The following MALRD1 variants were observed in gnomAD, a reference collection of about 807,000 sequenced individuals.
MALRD1 encodes MAM and LDL receptor class A domain containing 1, also known as MAM and LDL-receptor class A domain-containing protein 1.
In MALRD1, 247 loss-of-function variants were observed where a neutral mutation model predicts 242.1. The ratio of observed to expected loss-of-function variants is 1.02; its 90% CI spans 0.92 to 1.13. The LOEUF (loss-of-function observed/expected upper bound fraction) is 1.13. Among genes scored for constraint, MALRD1 ranks in the 50% most tolerant of loss-of-function variants. The pLI is 0.00. For missense variants in MALRD1, 2,989 were observed against 2,533.1 expected, an observed-to-expected ratio of 1.18 and a Z score of -3.86; for synonymous variants, 995 against 866.6, an observed-to-expected ratio of 1.15 and a Z score of -2.60.
intron 21 of MALRD1, among the ~76,000 whole-genome samples, chr10:19,293,186 A>G (rs1431206165): frequency 6.6e-6 from 1 of 152,198 alleles, no homozygotes; most frequent in Admixed American, 6.5e-5. Flanking sequence ...AACTAAAATA[A>G]TGGTTAAATA....
At chr10:19,649,058 A>G (rs1383480652) in intron 36 of MALRD1, among the ~76,000 whole-genome samples, 2 of 152,164 alleles carry the variant, frequency 1.3e-5, no homozygotes, top group Non-Finnish European at 2.9e-5. Flanking sequence ...CGATCCCACA[A>G]AAGATATGAT....
chr10:19,492,759 T>A (rs1837548118), intron 30 of MALRD1, among the ~76,000 whole-genome samples: 1 of 151,814 alleles, frequency 6.6e-6, no homozygotes. Context: ...AAGTCTAGAC[T>A]AGACTTTCAA....
chr10:19,081,897 C>A (rs1043612035), intron 2 of MALRD1, among the ~76,000 whole-genome samples: 3 of 151,824 alleles, frequency 2.0e-5, no homozygotes, highest in Non-Finnish European at 4.4e-5. Context: ...TGTAGTTGAA[C>A]CTAAAATGTG....
intron 26 of MALRD1, among the ~76,000 whole-genome samples, chr10:19,366,662 T>C (rs1241274167): frequency 6.6e-6 from 1 of 152,208 alleles, no homozygotes; most frequent in East Asian, 1.9e-4. Flanking sequence ...AATGTGCTTA[T>C]GCATTCTGGT....
intron 12 of MALRD1, among the ~76,000 whole-genome samples, chr10:19,161,264 A>G (rs1175249023): frequency 8.5e-6 from 1 of 117,822 alleles, no homozygotes; most frequent in Non-Finnish European, 1.8e-5. Context: ...CAAAAAACCA[A>G]ACACCACATA....
In MALRD1 at chr10:19,391,634, C is replaced by T. The variant is rs532122891; in HGVS notation, c.4845+2025C>T. Among the ~76,000 whole-genome samples the T allele has an allele frequency of 3.9e-5, 6 of 152,288 alleles. No homozygotes were observed. In the East Asian group the frequency reaches 7.7e-4, roughly 20 times the overall value. On this transcript the variant is annotated intron_variant, in intron 28 of 39. Transcript: ENST00000454679. The stretch of plus-strand genomic sequence containing the variant: ...TGTTTTCTGGCTTTTCCCTCCACAC[C>T]GAGTCGCACCCAATCGGGAAGACTC...
intron 31 of MALRD1, among the ~76,000 whole-genome samples, chr10:19,514,964 T>G (rs565083639): frequency 8.3e-4 from 127 of 152,284 alleles, no homozygotes; most frequent in Non-Finnish European, 1.6e-3. Flanking sequence ...GCAGCCAGTT[T>G]GATCACACAT....
rs771511633 is a variant in MALRD1 at position 19,411,394 on chromosome 10, T to C, written c.4845+21785T>C. On this transcript the variant is annotated intron_variant, in intron 28 of 39. Transcript: ENST00000454679. ...TATTATCCAAACACAGCCTGGCTCG[T>C]AATGGGCAATTAATAAATGTTTGCT... Among the ~76,000 whole-genome samples, 6 of 152,176 alleles carry C rather than the reference T, an allele frequency of 3.9e-5. 1 individual carries two copies. The highest frequency in any genetic ancestry group is 7.3e-5 in the Non-Finnish European group (5 of 68,030).
rs570662386 is a variant in MALRD1 at position 19,725,250 on chromosome 10, G to T, written c.6315-5456G>T. Among the ~76,000 whole-genome samples, 4 of 152,274 alleles carry T rather than the reference G, an allele frequency of 2.6e-5. No individual in the cohort carries two copies. The East Asian group carries it at 7.7e-4, about 29-fold the overall frequency. On this transcript the variant is annotated intron_variant, in intron 38 of 39. Transcript: ENST00000454679. ...AGCCGTGGGAGGGACCTAGTGGGAG[G>T]TAATCTAAGCATGGGGGTGGTTACC...
chr10:19,451,355 A>C (rs1250293069), intron 29 of MALRD1, among the ~76,000 whole-genome samples: 2 of 152,172 alleles, frequency 1.3e-5, no homozygotes, highest in Middle Eastern at 3.2e-3. Context: ...AGTAACTTGA[A>C]AAAAAAGTAC....
intron 32 of MALRD1, among the ~76,000 whole-genome samples, chr10:19,547,449 G>A (rs551818869): frequency 4.0e-5 from 6 of 151,678 alleles, no homozygotes; most frequent in African/African-American, 1.2e-4. Flanking sequence ...CTTCTTATTT[G>A]CAAGGACCTT....
chr10:19,547,626 A>G (rs1470387458), intron 32 of MALRD1, among the ~76,000 whole-genome samples: 2 of 150,630 alleles, frequency 1.3e-5, no homozygotes, highest in Non-Finnish European at 3.0e-5. Flanking sequence ...TTTCCACCAT[A>G]AGATATATAT....
intron 18 of MALRD1, among the ~76,000 whole-genome samples, chr10:19,239,392 G>A (rs1232896548): frequency 6.6e-6 from 1 of 152,010 alleles, no homozygotes; most frequent in African/African-American, 2.4e-5. Context: ...TATAATGTGG[G>A]CATTAACTCC....
intron 26 of MALRD1, among the ~76,000 whole-genome samples, chr10:19,354,851 T>A (rs1459848473): frequency 6.6e-6 from 1 of 152,082 alleles, no homozygotes; most frequent in African/African-American, 2.4e-5. Context: ...TATCAAAATA[T>A]TACATGCCCC....
At chr10:19,165,365 A>T (rs976421848) in intron 12 of MALRD1, among the ~76,000 whole-genome samples, 1 of 150,256 alleles carries the variant, frequency 6.7e-6, no homozygotes, top group Admixed American at 6.7e-5. Flanking sequence ...CAATGGCGTG[A>T]TCTCAGCTCA....
chr10:19,163,613 C>T (rs552901018), intron 12 of MALRD1, among the ~76,000 whole-genome samples: 1 of 152,050 alleles, frequency 6.6e-6, no homozygotes, highest in Admixed American at 6.5e-5. Context: ...CACGTGTTTG[C>T]CTATGTAACA....
At chr10:19,150,152 C>T (rs1024558040) in intron 11 of MALRD1, among the ~76,000 whole-genome samples, 16 of 152,142 alleles carry the variant, frequency 1.1e-4, no homozygotes, top group Non-Finnish European at 2.4e-4. Context: ...ATTAAATTTG[C>T]ATACGTGTTT....
At chr10:19,114,200 T>C (rs1836790255) in intron 5 of MALRD1, among the ~76,000 whole-genome samples, 1 of 152,218 alleles carries the variant, frequency 6.6e-6, no homozygotes, top group Admixed American at 6.5e-5. Flanking sequence ...TCAAACTATA[T>C]AATGAGGCTT....
At chr10:19,480,833 T>A (rs1289096766) in intron 29 of MALRD1, among the ~76,000 whole-genome samples, 1 of 152,158 alleles carries the variant, frequency 6.6e-6, no homozygotes, top group Non-Finnish European at 1.5e-5. Context: ...AACAGGCTTT[T>A]TTTTGGCGGT....
Sources: gnomAD v4.1 joint callset for allele counts (sites outside exome capture counted in the v4.1 genomes callset) on GRCh38, gnomAD v4.1.1 for gene constraint, MANE v1.5 for transcripts, NCBI Gene and HGNC (gene_info 2026-07-23, HGNC 2026-07-21) for gene names.